Variants in FHIT observed in about 807,000 individuals in gnomAD.
FHIT encodes fragile histidine triad diadenosine triphosphatase.
FHIT carries 19 observed loss-of-function variants against 17.9 expected under a neutral mutation model. The observed-to-expected ratio is 1.06, with a 90% CI of 0.74 to 1.56. The LOEUF is 1.56. Ranked by LOEUF, FHIT falls within the 40% of genes most tolerant of loss-of-function variation. The pLI is 0.00. For missense variants in FHIT, 248 were observed against 189.2 expected, an observed-to-expected ratio of 1.31 and a Z score of -1.82; for synonymous variants, 81 against 69.7, an observed-to-expected ratio of 1.16 and a Z score of -0.81.
At chr3:59,949,548 T>C (rs1359191750) in intron 7 of FHIT, among the ~76,000 whole-genome samples, 4 of 152,222 alleles carry the variant, frequency 2.6e-5, no homozygotes, top group Non-Finnish European at 2.9e-5. Context: ...ATCCTAAGCA[T>C]TTAATACTTT....
intron 2 of FHIT, among the ~76,000 whole-genome samples, chr3:61,107,666 A>T (rs1382058298): frequency 6.6e-6 from 1 of 152,202 alleles, no homozygotes. Flanking sequence ...ATAAAGAAAA[A>T]CTTCAGCCAA....
intron 7 of FHIT, among the ~76,000 whole-genome samples, chr3:59,924,625 A>G (rs986318861): frequency 6.6e-6 from 1 of 152,256 alleles, no homozygotes; most frequent in African/African-American, 2.4e-5. Context: ...AAAAAAACAA[A>G]TTTAAACCTG....
intron 8 of FHIT, among the ~76,000 whole-genome samples, chr3:59,784,463 G>A (rs1310529578): frequency 6.6e-6 from 1 of 152,202 alleles, no homozygotes; most frequent in Non-Finnish European, 1.5e-5. Flanking sequence ...GGCCTAGAAA[G>A]CCATACATTG....
chr3:60,268,715 G>A (rs1451907217), intron 5 of FHIT, among the ~76,000 whole-genome samples: 1 of 152,058 alleles, frequency 6.6e-6, no homozygotes, highest in Non-Finnish European at 1.5e-5. Flanking sequence ...ACAGAATCCT[G>A]GCCACCTATA....
chr3:60,864,306 A>G (rs782460889), intron 3 of FHIT, among the ~76,000 whole-genome samples: 7 of 152,168 alleles, frequency 4.6e-5, no homozygotes, highest in African/African-American at 7.2e-5. Context: ...CTTGCAGATT[A>G]AGAAGCTGAG....
chr3:60,674,511 G>A (rs1234732611), intron 4 of FHIT, among the ~76,000 whole-genome samples: 3 of 152,054 alleles, frequency 2.0e-5, no homozygotes, highest in African/African-American at 7.2e-5. Context: ...GCATTATATT[G>A]TCTTCCTTAT....
At chr3:60,398,026 C>T (rs192108218) in intron 5 of FHIT, among the ~76,000 whole-genome samples, 1 of 152,240 alleles carries the variant, frequency 6.6e-6, no homozygotes, top group Admixed American at 6.5e-5. Flanking sequence ...CCCACATCCC[C>T]TCTTTGCTGA....
At chr3:60,730,956 A>T (rs2042015194) in intron 4 of FHIT, among the ~76,000 whole-genome samples, 1 of 39,758 alleles carries the variant, frequency 2.5e-5, no homozygotes, top group Non-Finnish European at 5.4e-5. Flanking sequence ...CTCTAATAAA[A>T]ATACAAAAAA....
chr3:60,246,214 T>A (rs1485657951), intron 5 of FHIT, among the ~76,000 whole-genome samples: 1 of 152,042 alleles, frequency 6.6e-6, no homozygotes, highest in Non-Finnish European at 1.5e-5. Flanking sequence ...ATAAATGAAT[T>A]CTTTTTAGAA....
chr3:60,620,190 C>T (rs564296499), intron 4 of FHIT, among the ~76,000 whole-genome samples: 9 of 152,274 alleles, frequency 5.9e-5, no homozygotes, highest in African/African-American at 1.9e-4. Context: ...AACTCACATT[C>T]ACTGTGGATG....
rs1553699320 is a variant in FHIT at position 60,690,481 on chromosome 3, C to T, written c.-18+131438G>A. 3 of 568,740 alleles carry T rather than the reference C, an allele frequency of 5.3e-6. No individual in the cohort carries two copies. In the African/African-American group the frequency reaches 5.7e-5, roughly 11 times the overall value. 35.2% of individuals were successfully genotyped at this position (568,740 alleles called of 1,614,324 possible). The stretch of plus-strand genomic sequence containing the variant: ...GAAGTTCTCGTCATCAAATTTCTCC[C>T]TGTAGATGGACTTGCTACCAGTGCC... On this transcript the variant is annotated intron_variant, in intron 4 of 9. Transcript: ENST00000492590.
chr3:60,442,626 G>A (rs556926527), intron 5 of FHIT, among the ~76,000 whole-genome samples: 23 of 152,184 alleles, frequency 1.5e-4, no homozygotes, highest in Admixed American at 1.4e-3. Flanking sequence ...TGTCCCATTG[G>A]TCTATATCTC....
At chr3:60,327,158 A>G (rs774615434) in intron 5 of FHIT, among the ~76,000 whole-genome samples, 1 of 152,148 alleles carries the variant, frequency 6.6e-6, no homozygotes, top group East Asian at 1.9e-4. Flanking sequence ...AACACAGTCT[A>G]TGTTTCATAT....
At chr3:59,982,278 G>GTCT (rs1379297137) in intron 7 of FHIT, among the ~76,000 whole-genome samples, 21 of 152,082 alleles carry the variant, frequency 1.4e-4, no homozygotes, top group African/African-American at 5.1e-4. Context: ...GGAAAAAGAA[G>GTCT]GTATGAAAAT....
chr3:60,379,700 T>C (rs958984375), intron 5 of FHIT, among the ~76,000 whole-genome samples: 1 of 152,196 alleles, frequency 6.6e-6, no homozygotes, highest in Non-Finnish European at 1.5e-5. Flanking sequence ...CTCCTATTTA[T>C]TGTCACAATA....
At chr3:59,818,709 C>T (rs992881133) in intron 8 of FHIT, among the ~76,000 whole-genome samples, 2 of 152,166 alleles carry the variant, frequency 1.3e-5, no homozygotes, top group African/African-American at 4.8e-5. Context: ...CTCAGAAGAC[C>T]GGGCCGACTG....
chr3:61,200,018 T>C (rs958796447), intron 2 of FHIT, among the ~76,000 whole-genome samples: 12 of 152,200 alleles, frequency 7.9e-5, no homozygotes, highest in Admixed American at 6.5e-5. Context: ...ACCAACTTGA[T>C]TGTAATGTTT....
Position 60,868,794 on chromosome 3 carries a change from C to T in FHIT, c.-110-46783G>A, listed in dbSNP as rs150653529. On this transcript the variant is annotated intron_variant, in intron 3 of 9. Transcript: ENST00000492590. ...GACTATTATTCTCAAAGCGAAGCTC[C>T]AGGCCGTAATCTCAGGACATGCATG... 1.7e-3 allele frequency among the ~76,000 whole-genome samples: 264 copies of T among 152,240 alleles called. 2 individuals are homozygous for T. Among genetic ancestry groups the T allele is most frequent in the African/African-American group, 6.3e-3 (261 of 41,546 alleles).
At chr3:60,235,776 T>C (rs983445781) in intron 5 of FHIT, among the ~76,000 whole-genome samples, 4 of 152,180 alleles carry the variant, frequency 2.6e-5, no homozygotes, top group Non-Finnish European at 5.9e-5. Flanking sequence ...GGATGTAGTA[T>C]GTTTCATAAA....
Sources: allele counts gnomAD v4.1 joint callset (sites outside exome capture counted in the v4.1 genomes callset), GRCh38; gene constraint gnomAD v4.1.1; transcripts MANE v1.5; gene names NCBI Gene and HGNC (gene_info 2026-07-23, HGNC 2026-07-21).